The following SGCZ variants were observed in gnomAD, a reference collection of about 807,000 sequenced individuals.
SGCZ encodes sarcoglycan zeta.
A neutral mutation model predicts 41.3 loss-of-function variants in SGCZ; 40 were observed. The ratio of observed to expected loss-of-function variants is 0.97; its 90% confidence interval spans 0.75 to 1.26. The LOEUF (loss-of-function observed/expected upper bound fraction) is 1.26. Ranked by LOEUF, SGCZ falls within the 50% of genes most tolerant of loss-of-function variation. SGCZ has a pLI of 0.00. For synonymous variants in SGCZ, 206 were observed against 137.5 expected (o/e 1.50, Z -3.49); for missense variants, 552 against 369.8 (o/e 1.49, Z -4.04).
At chr8:14,975,059 C>A (rs1026498699) in intron 1 of SGCZ, among the ~76,000 whole-genome samples, 4 of 151,938 alleles carry the variant, frequency 2.6e-5, no homozygotes, top group African/African-American at 9.7e-5. Flanking sequence ...CGGATCCCAG[C>A]ACTTTGGGAG....
At chr8:14,235,599 G>A (rs139758978) in intron 4 of SGCZ, among the ~76,000 whole-genome samples, 18 of 152,246 alleles carry the variant, frequency 1.2e-4, no homozygotes, top group African/African-American at 1.7e-4. Flanking sequence ...TGCACTTCAC[G>A]TAATCAAATG....
chr8:14,091,009 C>T (rs1009416897), intron 7 of SGCZ, among the ~76,000 whole-genome samples: 1 of 151,924 alleles, frequency 6.6e-6, no homozygotes, highest in Non-Finnish European at 1.5e-5. Flanking sequence ...CTGACAGGCC[C>T]GGATGTGTGA....
At chr8:14,537,080 T>C (rs960676368) in intron 2 of SGCZ, among the ~76,000 whole-genome samples, 24 of 152,020 alleles carry the variant, frequency 1.6e-4, no homozygotes, top group African/African-American at 5.3e-4. Context: ...CCATCATGAC[T>C]CTAACAGCTC....
At chr8:14,767,455 T>C (rs1800074484) in intron 1 of SGCZ, among the ~76,000 whole-genome samples, 1 of 152,210 alleles carries the variant, frequency 6.6e-6, no homozygotes. Context: ...TTCTCAATTT[T>C]ACAATCAATT....
chr8:14,177,037 G>A (rs144427506), intron 4 of SGCZ, among the ~76,000 whole-genome samples: 53 of 152,244 alleles, frequency 3.5e-4, no homozygotes, highest in African/African-American at 1.2e-3. Context: ...TGTAACGGTT[G>A]GTATACAGAC....
At chr8:14,537,780 G>C (rs1298272001) in intron 2 of SGCZ, among the ~76,000 whole-genome samples, 1 of 151,882 alleles carries the variant, frequency 6.6e-6, no homozygotes, top group Non-Finnish European at 1.5e-5. Flanking sequence ...ATGATAAAAT[G>C]TGTTTGTGAA....
intron 1 of SGCZ, among the ~76,000 whole-genome samples, chr8:14,582,779 A>G (rs1307439766): frequency 6.7e-6 from 1 of 149,748 alleles, no homozygotes; most frequent in Non-Finnish European, 1.5e-5. Flanking sequence ...TGTCCTTGCG[A>G]TAGTTTACTG....
At chr8:14,880,541 T>C (rs1301404260) in intron 1 of SGCZ, among the ~76,000 whole-genome samples, 4 of 152,114 alleles carry the variant, frequency 2.6e-5, no homozygotes, top group Non-Finnish European at 5.9e-5. Flanking sequence ...TAGCAAAGAC[T>C]TGGAAGCAAC....
chr8:14,606,174 T>A (rs1051341782), intron 1 of SGCZ, among the ~76,000 whole-genome samples: 2 of 152,096 alleles, frequency 1.3e-5, no homozygotes, highest in African/African-American at 4.8e-5. Flanking sequence ...TTATTAGCCA[T>A]CTCCTCCCTC....
chr8:15,097,642 G>C (rs1806396259), intron 1 of SGCZ, among the ~76,000 whole-genome samples: 1 of 151,126 alleles, frequency 6.6e-6, no homozygotes, highest in East Asian at 2.0e-4. Context: ...TGTAGTACCA[G>C]CTACTGAGGC....
chr8:15,144,394 AG>A (rs1403327280), intron 1 of SGCZ, among the ~76,000 whole-genome samples: 1 of 151,994 alleles, frequency 6.6e-6, no homozygotes, highest in Non-Finnish European at 1.5e-5. Flanking sequence ...AACGTTTCCT[AG>A]TTTAATGAAG....
chr8:15,094,013 G>C (rs1806243946), intron 1 of SGCZ, among the ~76,000 whole-genome samples: 1 of 152,150 alleles, frequency 6.6e-6, no homozygotes, highest in South Asian at 2.1e-4. Flanking sequence ...GGGGAAACAG[G>C]AGAAACATTA....
intron 2 of SGCZ, among the ~76,000 whole-genome samples, chr8:14,419,333 T>C (rs1400608608): frequency 6.6e-6 from 1 of 151,960 alleles, no homozygotes; most frequent in Non-Finnish European, 1.5e-5. Context: ...TTGCTTTGAC[T>C]CATAAGAACT....
chr8:14,784,470 G>A (rs1002243556), intron 1 of SGCZ, among the ~76,000 whole-genome samples: 1 of 151,762 alleles, frequency 6.6e-6, no homozygotes, highest in Admixed American at 6.6e-5. Flanking sequence ...ATCAAATTTG[G>A]GTAAAATAGA....
At chr8:14,478,602 C>T (rs115430684) in intron 2 of SGCZ, among the ~76,000 whole-genome samples, 8,152 of 152,056 alleles carry the variant, frequency 0.054, 710 homozygotes, top group African/African-American at 0.18. Context: ...AAGACTGTAA[C>T]TATGGATATT....
intron 1 of SGCZ, among the ~76,000 whole-genome samples, chr8:14,723,851 G>C (rs945238280): frequency 1.3e-5 from 2 of 151,826 alleles, no homozygotes; most frequent in Admixed American, 1.3e-4. Flanking sequence ...TCAGGTAAAA[G>C]GCTCTCCAAA....
At chr8:14,257,360 G>GAAAGA (rs112438164) in intron 3 of SGCZ, among the ~76,000 whole-genome samples, 1 of 150,908 alleles carries the variant, frequency 6.6e-6, no homozygotes, top group East Asian at 2.0e-4. Flanking sequence ...AAAAAAAAAA[G>GAAAGA]AAGAAAGAAA....
intron 1 of SGCZ, among the ~76,000 whole-genome samples, chr8:14,652,074 C>T (rs1807418161): frequency 6.6e-6 from 1 of 151,964 alleles, no homozygotes; most frequent in South Asian, 2.1e-4. Flanking sequence ...AATAACAAAA[C>T]ATGCTTTTCT....
chr8:14,834,246 C>T (rs866797261), intron 1 of SGCZ, among the ~76,000 whole-genome samples: 2 of 152,094 alleles, frequency 1.3e-5, no homozygotes, highest in East Asian at 3.9e-4. Flanking sequence ...TGAATAGATT[C>T]TATGGATTTA....
Sources: allele counts gnomAD v4.1 joint callset (sites outside exome capture counted in the v4.1 genomes callset), GRCh38; gene constraint gnomAD v4.1.1; transcripts MANE v1.5; gene names NCBI Gene and HGNC (gene_info 2026-07-23, HGNC 2026-07-21).